Variants in ST6GALNAC3 observed in about 807,000 individuals in gnomAD.
ST6GALNAC3 encodes alpha-N-acetylgalactosaminide alpha-2,6-sialyltransferase 3.
Under a neutral mutation model 32.7 loss-of-function variants are expected in ST6GALNAC3, and 25 were observed. That is an observed-to-expected ratio of 0.76 (90% CI 0.56 to 1.07). The LOEUF (loss-of-function observed/expected upper bound fraction) is 1.07. ST6GALNAC3 is among the 50% of genes least tolerant of loss of function. ST6GALNAC3 has a pLI of 0.00. For synonymous variants in ST6GALNAC3, 129 were observed against 133.1 expected (o/e 0.97, Z 0.21); for missense variants, 355 against 382.4 (o/e 0.93, Z 0.60).
chr1:76,361,535 G>C lies in ST6GALNAC3; in HGVS notation c.213+47536G>C, dbSNP rs922079750. On this transcript the variant is annotated intron_variant, in intron 2 of 4. Coordinates refer to ENST00000328299, the MANE Select transcript of ST6GALNAC3 (RefSeq NM_152996.4). The stretch of plus-strand genomic sequence containing the variant: ...TATTGTGAATTTCTTTTTTAACTAA[G>C]TGTATTTGAAAATATACAGTTTCTG... Among the ~76,000 whole-genome samples, 5 of 151,996 alleles carry C rather than the reference G, an allele frequency of 3.3e-5. 1 individual carries two copies. The highest frequency in any genetic ancestry group is 2.6e-4 in the Admixed American group (4 of 15,262).
intron 1 of ST6GALNAC3, among the ~76,000 whole-genome samples, chr1:76,209,211 G>A (rs1018570135): frequency 2.6e-5 from 4 of 152,202 alleles, no homozygotes; most frequent in African/African-American, 9.7e-5. Context: ...CTATTATAAT[G>A]TCTGCTTCTA....
chr1:76,405,874 C>G (rs1034478022), intron 2 of ST6GALNAC3, among the ~76,000 whole-genome samples: 7 of 151,802 alleles, frequency 4.6e-5, no homozygotes, highest in African/African-American at 1.7e-4. Flanking sequence ...ATATTGTTTA[C>G]AAACAAGGAA....
At chr1:76,159,728 A>G (rs899846283) in intron 1 of ST6GALNAC3, among the ~76,000 whole-genome samples, 1 of 152,266 alleles carries the variant, frequency 6.6e-6, no homozygotes, top group African/African-American at 2.4e-5. Flanking sequence ...TAAGTATAAC[A>G]CAACATAATG....
At chr1:76,462,506 T>C (rs755805971) in intron 3 of ST6GALNAC3, among the ~76,000 whole-genome samples, 7 of 148,140 alleles carry the variant, frequency 4.7e-5, no homozygotes, top group African/African-American at 1.8e-4. Context: ...TTGAAATTAA[T>C]TTTGAGGGTG....
intron 1 of ST6GALNAC3, among the ~76,000 whole-genome samples, chr1:76,286,237 G>A (rs1159031961): frequency 6.6e-6 from 1 of 152,214 alleles, no homozygotes; most frequent in African/African-American, 2.4e-5. Flanking sequence ...GAGCCTGTGG[G>A]CCTAAGCTAT....
chr1:76,446,916 A>C (rs11162151), intron 3 of ST6GALNAC3, among the ~76,000 whole-genome samples: 1 of 152,112 alleles, frequency 6.6e-6, no homozygotes, highest in Non-Finnish European at 1.5e-5. Flanking sequence ...TTTATCAGCA[A>C]TGTGAAAATG....
At chr1:76,375,731 AT>A (rs1651171378) in intron 2 of ST6GALNAC3, among the ~76,000 whole-genome samples, 2 of 152,184 alleles carry the variant, frequency 1.3e-5, no homozygotes, top group African/African-American at 4.8e-5. Flanking sequence ...TCAAATGTCT[AT>A]TTTTTGTTCG....
intron 3 of ST6GALNAC3, among the ~76,000 whole-genome samples, chr1:76,466,691 C>T (rs1188513498): frequency 1.3e-5 from 2 of 151,972 alleles, no homozygotes; most frequent in Non-Finnish European, 2.9e-5. Context: ...ATTTTTTATA[C>T]TAGTGAACAG....
rs1055975075 is a variant in ST6GALNAC3, at chr1:76,630,680, G to A, written c.*1874G>A. On this transcript the variant is annotated 3_prime_UTR_variant, in exon 5 of 5. Coordinates refer to ENST00000328299, the MANE Select transcript of ST6GALNAC3 (RefSeq NM_152996.4). ...GTGCCATCTTGGATAAAGGCCTTTT[G>A]CCTACTCTCTTCTGCAATTTTGACA... 3.0e-6 allele frequency: 3 copies of A among 985,452 alleles called. No homozygotes were observed. The African/African-American group carries it at 5.2e-5, about 17-fold the overall frequency. 61.0% of individuals were successfully genotyped at this position (985,452 alleles called of 1,614,324 possible).
At chr1:76,169,357 C>G (rs577379421) in intron 1 of ST6GALNAC3, among the ~76,000 whole-genome samples, 6 of 152,266 alleles carry the variant, frequency 3.9e-5, no homozygotes, top group African/African-American at 1.4e-4. Flanking sequence ...GTGGCCTGAC[C>G]TTTCTCTCTA....
At chr1:76,306,687 G>T (rs1338027371) in intron 1 of ST6GALNAC3, among the ~76,000 whole-genome samples, 5 of 78,188 alleles carry the variant, frequency 6.4e-5, no homozygotes, top group Non-Finnish European at 1.6e-4. Context: ...TTTGGGGGGC[G>T]GGGGGTGCAG....
At chr1:76,147,058 C>A (rs1266778316) in intron 1 of ST6GALNAC3, among the ~76,000 whole-genome samples, 1 of 149,510 alleles carries the variant, frequency 6.7e-6, no homozygotes, top group African/African-American at 2.5e-5. Flanking sequence ...ATCACTCCCC[C>A]CACTTCTTTT....
chr1:76,619,130 A>G (rs372937098), intron 3 of ST6GALNAC3, among the ~76,000 whole-genome samples: 25 of 152,080 alleles, frequency 1.6e-4, no homozygotes, highest in African/African-American at 6.0e-4. Context: ...GGTATATAAT[A>G]CCATTCCTTC....
intron 3 of ST6GALNAC3, among the ~76,000 whole-genome samples, chr1:76,485,016 G>A (rs1660007760): frequency 2.0e-5 from 3 of 152,118 alleles, no homozygotes; most frequent in Admixed American, 1.3e-4. Context: ...TTATATGCTG[G>A]ATTACGTTTA....
At chr1:76,436,858 T>A (rs913038986) in intron 3 of ST6GALNAC3, among the ~76,000 whole-genome samples, 14 of 152,144 alleles carry the variant, frequency 9.2e-5, no homozygotes, top group Non-Finnish European at 1.8e-4. Flanking sequence ...GGAATTTTTT[T>A]AAGTTGTTCC....
intron 3 of ST6GALNAC3, among the ~76,000 whole-genome samples, chr1:76,577,959 C>T (rs923281698): frequency 6.6e-6 from 1 of 152,042 alleles, no homozygotes; most frequent in Non-Finnish European, 1.5e-5. Context: ...ACAGACGATT[C>T]TTTTTGCCAT....
chr1:76,544,798 A>G (rs1304860287), intron 3 of ST6GALNAC3, among the ~76,000 whole-genome samples: 1 of 152,224 alleles, frequency 6.6e-6, no homozygotes, highest in Non-Finnish European at 1.5e-5. Context: ...AAGCTATGGG[A>G]GTCAATAACA....
rs537475725 is a variant in ST6GALNAC3 at position 76,621,613 on chromosome 1, G to A, written c.624-5839G>A. 2.0e-5 allele frequency among the ~76,000 whole-genome samples: 3 copies of A among 152,146 alleles called. No homozygotes were observed. The East Asian group carries it at 5.8e-4, about 29-fold the overall frequency. Reference sequence around the variant, plus strand: ...ATATGACTTGGGGACAGCTGAAATTGTTTCCACACTTTGAGCTCTGCTTCC... The same window carrying A: ...ATATGACTTGGGGACAGCTGAAATTATTTCCACACTTTGAGCTCTGCTTCC... On this transcript the variant is annotated intron_variant, in intron 3 of 4. Coordinates refer to ENST00000328299, the MANE Select transcript of ST6GALNAC3 (RefSeq NM_152996.4).
intron 3 of ST6GALNAC3, among the ~76,000 whole-genome samples, chr1:76,495,150 G>T (rs1352502872): frequency 2.0e-5 from 3 of 152,050 alleles, no homozygotes; most frequent in Non-Finnish European, 2.9e-5. Flanking sequence ...GACATGCCCA[G>T]GATAATGTTT....
Sources: gnomAD v4.1 joint callset for allele counts (sites outside exome capture counted in the v4.1 genomes callset) on GRCh38, gnomAD v4.1.1 for gene constraint, MANE v1.5 for transcripts, NCBI Gene and HGNC (gene_info 2026-07-23, HGNC 2026-07-21) for gene names.